The following SMCHD1 variants were observed in gnomAD, a reference collection of about 807,000 sequenced individuals.
SMCHD1 encodes structural maintenance of chromosomes flexible hinge domain containing 1.
In SMCHD1, 78 loss-of-function variants were observed where a neutral mutation model predicts 254.7. The observed-to-expected ratio is 0.31, with a 90% CI of 0.26 to 0.37. SMCHD1 has a LOEUF of 0.37. Among genes scored for constraint, SMCHD1 ranks in the 10% least tolerant of loss-of-function variants. The probability of loss-of-function intolerance (pLI) is 1.00; values close to 1 mark genes in which losing one functional copy is unlikely to be tolerated. For synonymous variants in SMCHD1, 766 were observed against 794.9 expected, an observed-to-expected ratio of 0.96 and a Z score of 0.61; for missense variants, 1,840 against 2,408.1, an observed-to-expected ratio of 0.76 and a Z score of 4.94.
At chr18:2,756,449 G>A (rs10853285) in intron 34 of SMCHD1, among the ~76,000 whole-genome samples, 2,966 of 152,178 alleles carry the variant, frequency 0.019, 145 homozygotes, top group East Asian at 0.19. Flanking sequence ...TCCTTAAATG[G>A]TGATAGATTC....
intron 5 of SMCHD1, among the ~76,000 whole-genome samples, chr18:2,676,244 T>C (rs2073745941): frequency 6.6e-6 from 1 of 152,058 alleles, no homozygotes; most frequent in Non-Finnish European, 1.5e-5. Flanking sequence ...ATACAAAAAA[T>C]TACATGTAAA....
chr18:2,739,284 A>G, intron 26 of SMCHD1, 148 bp from the exon 27 acceptor site: 2 of 650,788 alleles, frequency 3.1e-6, no homozygotes, highest in Non-Finnish European at 5.4e-6. Context: ...TTAATAGCAG[A>G]TTATATAAAT....
chr18:2,724,822 C>T (rs985751956), intron 20 of SMCHD1, 77 bp from the exon 21 acceptor site: 5 of 641,572 alleles, frequency 7.8e-6, no homozygotes, highest in African/African-American at 3.6e-5. Context: ...GCCAATGTCA[C>T]ATAGGAAAGC....
intron 28 of SMCHD1, 74 bp from the exon 29 acceptor site, chr18:2,743,687 C>CA: frequency 8.4e-7 from 1 of 1,191,048 alleles, no homozygotes; most frequent in Non-Finnish European, 1.1e-6. Flanking sequence ...GGGTTAATGA[C>CA]AAAACATTTT....
At chr18:2,756,424 A>G (rs978874925) in intron 34 of SMCHD1, among the ~76,000 whole-genome samples, 1 of 152,152 alleles carries the variant, frequency 6.6e-6, no homozygotes, top group Admixed American at 6.5e-5. Flanking sequence ...GGAGAATCTT[A>G]AGAGTGTTAT....
intron 41 of SMCHD1, among the ~76,000 whole-genome samples, chr18:2,772,697 T>G (rs1451641478): frequency 1.3e-5 from 2 of 152,216 alleles, no homozygotes; most frequent in Non-Finnish European, 2.9e-5. Context: ...ATGGTAAGAC[T>G]GTGGCTCGCT....
At chr18:2,739,554 A>G (rs1201446995) in intron 27 of SMCHD1, 34 bp downstream of exon 27, 1 of 1,539,600 alleles carries the variant, frequency 6.5e-7, no homozygotes, top group Non-Finnish European at 8.9e-7. Flanking sequence ...ACAAACAACA[A>G]AAAAATCTTC....
intron 28 of SMCHD1, among the ~76,000 whole-genome samples, chr18:2,741,834 C>G (rs1165601088): frequency 2.0e-5 from 3 of 152,166 alleles, no homozygotes; most frequent in African/African-American, 7.2e-5. Flanking sequence ...TCCACTAGAG[C>G]AGTCCCACCA....
chr18:2,722,448 C>A, intron 19 of SMCHD1, 71 bp from the exon 20 acceptor site: 2 of 1,237,920 alleles, frequency 1.6e-6, no homozygotes, highest in South Asian at 1.4e-5. Flanking sequence ...AGAAATGGAT[C>A]TGTTTTTGAC....
At chr18:2,671,961 T>A (rs2073619784) in intron 3 of SMCHD1, among the ~76,000 whole-genome samples, 1 of 152,172 alleles carries the variant, frequency 6.6e-6, no homozygotes, top group Non-Finnish European at 1.5e-5. Flanking sequence ...ACCTGTGTGA[T>A]GAAGCAAATT....
intron 45 of SMCHD1, among the ~76,000 whole-genome samples, chr18:2,786,427 C>T (rs2076241455): frequency 6.6e-6 from 1 of 152,146 alleles, no homozygotes; most frequent in African/African-American, 2.4e-5. Context: ...CTTGGTGGCT[C>T]ACACCTGTAA....
At chr18:2,725,027 G>A (rs1200578960) in intron 21 of SMCHD1, 32 bp downstream of exon 21, 13 of 1,218,338 alleles carry the variant, frequency 1.1e-5, no homozygotes, top group African/African-American at 1.5e-5. Flanking sequence ...TATGATACTT[G>A]TTAAGTATTT....
intron 19 of SMCHD1, among the ~76,000 whole-genome samples, chr18:2,719,675 T>C (rs909027699): frequency 1.3e-4 from 3 of 22,676 alleles, no homozygotes; most frequent in African/African-American, 6.1e-4. Context: ...TCACTGCACC[T>C]AATTTTTTTT....
At chr18:2,658,510 C>A (rs1014828457) in intron 1 of SMCHD1, among the ~76,000 whole-genome samples, 2 of 152,154 alleles carry the variant, frequency 1.3e-5, no homozygotes, top group African/African-American at 2.4e-5. Context: ...GAAAATATTT[C>A]TTTTAACTAA....
chr18:2,700,450 G>A (rs1021786595), intron 10 of SMCHD1, 89 bp from the exon 11 acceptor site: 1 of 1,368,568 alleles, frequency 7.3e-7, no homozygotes. Context: ...AGGTTTTATA[G>A]AATGCAATTT....
intron 1 of SMCHD1, among the ~76,000 whole-genome samples, chr18:2,662,003 C>T (rs1366726189): frequency 1.4e-5 from 2 of 138,500 alleles, no homozygotes; most frequent in Non-Finnish European, 1.5e-5. Context: ...TAAAAAAATA[C>T]AAAAAATTAG....
rs189624395 is a variant in SMCHD1 at position 2,766,996 on chromosome 18, A to G, written c.4720-2698A>G. On this transcript the variant is annotated intron_variant, in intron 37 of 47. Coordinates refer to ENST00000320876, the MANE Select transcript of SMCHD1 (RefSeq NM_015295.3). ...CACTTTCTGCGGGGCACAGTAGCTCATGCCTATAACCTTAACACTTTGGGA... is the reference window on the plus strand; with the variant it reads ...CACTTTCTGCGGGGCACAGTAGCTCGTGCCTATAACCTTAACACTTTGGGA... 1.7e-3 allele frequency among the ~76,000 whole-genome samples: 256 copies of G among 152,340 alleles called. 1 individual carries two copies. The highest frequency in any genetic ancestry group is 5.9e-3 in the African/African-American group (247 of 41,572).
intron 45 of SMCHD1, among the ~76,000 whole-genome samples, chr18:2,791,246 CTT>C (rs1232030354): frequency 1.3e-5 from 2 of 152,144 alleles, no homozygotes; most frequent in African/African-American, 4.8e-5. Flanking sequence ...AGAACAGAGA[CTT>C]CTGCTTCTCA....
chr18:2,761,217 C>G (rs1368957049), intron 35 of SMCHD1, among the ~76,000 whole-genome samples: 1 of 152,100 alleles, frequency 6.6e-6, no homozygotes, highest in Non-Finnish European at 1.5e-5. Context: ...ACATTGGGTA[C>G]ACACGGACAC....
Sources: gnomAD v4.1 joint callset for allele counts (sites outside exome capture counted in the v4.1 genomes callset) on GRCh38, gnomAD v4.1.1 for gene constraint, MANE v1.5 for transcripts, NCBI Gene and HGNC (gene_info 2026-07-23, HGNC 2026-07-21) for gene names.